The following CEP250 variants were observed in gnomAD, a reference collection of about 807,000 sequenced individuals.
The protein encoded by CEP250 is centrosome-associated protein CEP250.
Under a neutral mutation model 315.7 loss-of-function variants are expected in CEP250, and 242 were observed. The ratio of observed to expected loss-of-function variants is 0.77; its 90% confidence interval spans 0.69 to 0.85. CEP250 has a LOEUF of 0.85. Among genes scored for constraint, CEP250 ranks in the 40% least tolerant of loss-of-function variants. The pLI is 0.00. For missense variants in CEP250, 2,515 were observed against 2,886.4 expected (o/e 0.87, Z 2.95); for synonymous variants, 1,088 against 1,175.0 (o/e 0.93, Z 1.51).
chr20:35,493,963 A>T (rs940106210), intron 23 of CEP250, among the ~76,000 whole-genome samples: 1 of 152,170 alleles, frequency 6.6e-6, no homozygotes, highest in Non-Finnish European at 1.5e-5. Flanking sequence ...CTTTGGGAGT[A>T]GTTATAGTCA....
At chr20:35,495,002 TGA>T (rs760054857) in intron 24 of CEP250, among the ~76,000 whole-genome samples, 1 of 151,836 alleles carries the variant, frequency 6.6e-6, no homozygotes, top group African/African-American at 2.4e-5. Flanking sequence ...GGAAACAGGG[TGA>T]GAGAGAGAAG....
Position 35,503,983 on chromosome 20 carries a change from G to C in CEP250, c.5614G>C (p.Glu1872Gln). 4 of 1,610,614 alleles carry C rather than the reference G, an allele frequency of 2.5e-6. No homozygotes were observed. The highest frequency in any genetic ancestry group is 3.4e-6 in the Non-Finnish European group (4 of 1,177,832). Residue 1872 changes from glutamate (E) to glutamine (Q), a missense_variant, in exon 30 of 35, where the codon GAG (glutamate) becomes CAG (glutamine). By Grantham distance (29) the Glu-to-Gln change is conservative. Transcript: ENST00000397527. The surrounding 1 kb of genome is among the most constrained non-coding windows in gnomAD (Gnocchi z 4.2). ...QDHKEQARRL[E>Q]EELAVEGRRV... Reference sequence around the variant, plus strand: ...CCACAAGGAACAGGCACGAAGGCTGGAGGAAGAGCTGGCAGTGGAGGGACG... The same window carrying C: ...CCACAAGGAACAGGCACGAAGGCTGCAGGAAGAGCTGGCAGTGGAGGGACG...
intron 25 of CEP250, among the ~76,000 whole-genome samples, 191 bp from the exon 26 acceptor site, chr20:35,497,528 C>CG (rs1209179478): frequency 6.6e-6 from 1 of 151,564 alleles, no homozygotes; most frequent in Non-Finnish European, 1.5e-5. Context: ...GTTCAGTAGT[C>CG]GGCAGGCAGC....
rs558388413 is a variant in CEP250, at chr20:35,509,529, G to A, written c.7009-469G>A. Among the ~76,000 whole-genome samples the A allele has an allele frequency of 5.2e-4, 79 of 152,296 alleles. 2 individuals are homozygous for A. The South Asian group carries it at 1.0e-2, about 19-fold the overall frequency. On this transcript the variant is annotated intron_variant, in intron 33 of 34. Coordinates refer to ENST00000397527, the MANE Select transcript of CEP250 (RefSeq NM_007186.6). Reference sequence around the variant, plus strand: ...TTGGGGAAGACTCCCCAAACTACTCGTCTAGGTGAGGTATCCCTGCCAACA... The same window carrying A: ...TTGGGGAAGACTCCCCAAACTACTCATCTAGGTGAGGTATCCCTGCCAACA...
chr20:35,518,388 G>A lies in CEP250; in HGVS notation c.*6762G>A, dbSNP rs2064453010. 3 of 152,146 alleles carry A rather than the reference G, an allele frequency of 2.0e-5. No homozygotes were observed. Among genetic ancestry groups the A allele is most frequent in the South Asian group, 2.1e-4 (1 of 4,820 alleles). 9.4% of individuals were successfully genotyped at this position (152,146 alleles called of 1,614,324 possible). On this transcript the variant is annotated 3_prime_UTR_variant, in exon 35 of 35. Transcript: ENST00000397527. ...GTGTGTGGTAGTTGAGCAGCCAAGGGGGTAGCATGCGGTGGATATTTGTTT... is the reference window on the plus strand; with the variant it reads ...GTGTGTGGTAGTTGAGCAGCCAAGGAGGTAGCATGCGGTGGATATTTGTTT...
intron 34 of CEP250, among the ~76,000 whole-genome samples, chr20:35,511,135 G>A (rs534090342): frequency 9.9e-5 from 15 of 152,246 alleles, no homozygotes; most frequent in East Asian, 3.9e-4. Context: ...GTTTTCAAGC[G>A]CGCTATTTGA....
rs1328117232 is a variant in CEP250, at chr20:35,502,495, A to T, written c.4126A>T (p.Ile1376Phe). ...CAGGGCTCAGGCAAGTGCTGCTGGC[A>T]TCCTGGAAGAAGACCTGAGAACGGC... ...EARAQASAAG[I>F]LEEDLRTARS... Residue 1376 changes from isoleucine to phenylalanine, a missense_variant, in exon 30 of 35, where the codon ATC becomes TTC. By Grantham distance (21) the Ile-to-Phe change is conservative. Transcript: ENST00000397527. The T allele has an allele frequency of 8.7e-6, 14 of 1,614,122 alleles. No homozygotes were observed. In the Admixed American group the frequency reaches 2.3e-4, roughly 27 times the overall value.
chr20:35,467,571 G>T lies in CEP250; in HGVS notation c.851+16G>T, dbSNP rs368362284. The T allele has an allele frequency of 1.9e-6, 3 of 1,611,634 alleles. No individual in the cohort carries two copies. The highest frequency in any genetic ancestry group is 2.2e-5 in the South Asian group (2 of 90,980). ...TTCAGGACCGGTGAGATGGCCTGGG[G>T]TCCCAAGAAGGGTTCGCTGAGAGAG... On this transcript the variant is annotated intron_variant, in intron 9 of 34. Transcript: ENST00000397527.
In CEP250 at chr20:35,478,024, G is replaced by A; in HGVS notation, c.2017G>A (p.Glu673Lys). ...GGAGGCTCAGCTGCAGAAAGCTGAG[G>A]AGGCTGGGGCTGAGCTGCAGGCAGA... ...HLEAQLQKAE[E>K]AGAELQADLR... The change falls in exon 17 of 35, where the codon GAG becomes AAG. Residue 673 changes from glutamate (E) to lysine (K), a missense_variant. By Grantham distance (56) the Glu-to-Lys change is moderately conservative. Coordinates refer to ENST00000397527, the MANE Select transcript of CEP250 (RefSeq NM_007186.6). The A allele has an allele frequency of 1.2e-6, 2 of 1,614,160 alleles. No individual in the cohort carries two copies. The highest frequency in any genetic ancestry group is 2.2e-5 in the South Asian group (2 of 91,060).
chr20:35,475,448 G>A, intron 14 of CEP250, 54 bp from the exon 15 acceptor site: 1 of 1,572,444 alleles, frequency 6.4e-7, no homozygotes, highest in East Asian at 2.3e-5. Flanking sequence ...GTTACCTTTG[G>A]GGTTATGGCC....
intron 23 of CEP250, among the ~76,000 whole-genome samples, chr20:35,494,021 C>T (rs1045084234): frequency 5.3e-5 from 8 of 152,066 alleles, no homozygotes; most frequent in African/African-American, 7.2e-5. Flanking sequence ...TTCACTATGT[C>T]GCCCGGGCTG....
At chr20:35,461,364 T>C (rs1341569971) in intron 3 of CEP250, among the ~76,000 whole-genome samples, 2 of 150,822 alleles carry the variant, frequency 1.3e-5, no homozygotes, top group African/African-American at 4.9e-5. Flanking sequence ...ACAGAGCCCA[T>C]TGGAGGCAGA....
Position 35,483,320 on chromosome 20 carries a change from CAA to C in CEP250, c.2586+3189_2586+3190del, listed in dbSNP as rs200289489. Among the ~76,000 whole-genome samples, 1,322 of 147,886 alleles carry C rather than the reference CAA, an allele frequency of 8.9e-3. 16 individuals carry two copies. Among genetic ancestry groups the C allele is most frequent in the African/African-American group, 0.03 (1,221 of 40,118 alleles). On this transcript the variant is annotated intron_variant, in intron 20 of 34. Transcript: ENST00000397527. The stretch of plus-strand genomic sequence containing the variant: ...GGGCAACAAGAACGAAACTCCGTCT[CAA>C]AAAAAAAAAAAAATTTTTTTTTTTA...
intron 2 of CEP250, among the ~76,000 whole-genome samples, chr20:35,459,420 G>A (rs1457032481): frequency 2.6e-5 from 4 of 152,228 alleles, no homozygotes; most frequent in Non-Finnish European, 5.9e-5. Context: ...ATGGAACTAT[G>A]TGTGGCAGGA....
At chr20:35,464,041 C>T (rs1340351153) in intron 5 of CEP250, among the ~76,000 whole-genome samples, 1 of 152,176 alleles carries the variant, frequency 6.6e-6, no homozygotes, top group Non-Finnish European at 1.5e-5. Flanking sequence ...TCAGTACCTC[C>T]TCACATTTTC....
In CEP250 at chr20:35,514,119, G is replaced by A. The variant is rs187972201; in HGVS notation, c.*2493G>A. On this transcript the variant is annotated 3_prime_UTR_variant, in exon 35 of 35. Transcript: ENST00000397527. ...ACCCAAAGAGACCTGAAGTGGGGAA[G>A]TGTGAAGGAAGGAATATGTGTCATC... is the stretch of plus-strand genomic sequence containing the variant. 6.6e-6 allele frequency: 1 copy of A among 152,348 alleles called. No homozygotes were observed. 9.4% of individuals were successfully genotyped at this position (152,348 alleles called of 1,614,324 possible).
rs1270384437 is a variant in CEP250 at position 35,515,248 on chromosome 20, G to C, written c.*3622G>C. The C allele has an allele frequency of 2.0e-5, 3 of 152,424 alleles. No individual in the cohort carries two copies. The highest frequency in any genetic ancestry group is 4.4e-5 in the Non-Finnish European group (3 of 68,236). The allele number at this position is 152,424 out of a possible 1,614,324, so 9.4% of individuals were successfully genotyped here. A position where few individuals can be genotyped will look rare whatever the true frequency, so the allele number is the denominator to read the frequency against. On this transcript the variant is annotated 3_prime_UTR_variant, in exon 35 of 35. Coordinates refer to ENST00000397527, the MANE Select transcript of CEP250 (RefSeq NM_007186.6). The stretch of plus-strand genomic sequence containing the variant: ...CTGGTTCCAGTACCAAGGAAAGGCT[G>C]GAGCCATTGCAACTGGAGGCCCAGC...
intron 30 of CEP250, among the ~76,000 whole-genome samples, chr20:35,505,652 C>CA (rs57141703): frequency 0.62 from 64,025 of 102,954 alleles, 21,302 homozygotes; most frequent in Non-Finnish European, 0.74. Flanking sequence ...GACTCCATCT[C>CA]AAAAAAAAAA....
chr20:35,503,989 G>C lies in CEP250; in HGVS notation c.5620G>C (p.Glu1874Gln). ...GGAACAGGCACGAAGGCTGGAGGAA[G>C]AGCTGGCAGTGGAGGGACGGCGGGT... ...HKEQARRLEE[E>Q]LAVEGRRVQA... The change falls in exon 30 of 35, where the codon GAG becomes CAG. Residue 1874 changes from glutamate to glutamine, a missense_variant. Transcript: ENST00000397527. This position sits in a 1 kb window ranked among gnomAD's most constrained non-coding sequence, Gnocchi z 4.2. 1 of 1,610,318 alleles carries C rather than the reference G, an allele frequency of 6.2e-7. No individual in the cohort carries two copies. Among genetic ancestry groups the C allele is most frequent in the South Asian group, 1.1e-5 (1 of 90,770 alleles).
Sources: allele counts gnomAD v4.1 joint callset (sites outside exome capture counted in the v4.1 genomes callset), GRCh38; gene constraint gnomAD v4.1.1; non-coding constraint Gnocchi (gnomAD v3.1); transcripts MANE v1.5; gene names NCBI Gene and HGNC (gene_info 2026-07-23, HGNC 2026-07-21).